The following TAF8 variants were observed in gnomAD, a reference collection of about 807,000 sequenced individuals.
The protein encoded by TAF8 is TATA-box binding protein associated factor 8, also known as transcription initiation factor TFIID subunit 8.
In TAF8, 47 loss-of-function variants were observed where a neutral mutation model predicts 36.5. That is an observed-to-expected ratio of 1.29 (90% CI 1.02 to 1.64). The LOEUF (loss-of-function observed/expected upper bound fraction) is 1.64. Among genes scored for constraint, TAF8 ranks in the 40% most tolerant of loss-of-function variants. TAF8 has a pLI of 0.00. For synonymous variants in TAF8, 175 were observed against 159.5 expected, an observed-to-expected ratio of 1.10 and a Z score of -0.73; for missense variants, 420 against 407.6, an observed-to-expected ratio of 1.03 and a Z score of -0.26.
downstream of TAF8, chr6:42,087,304 A>T (rs547826785): frequency 2.6e-5 from 4 of 154,500 alleles, no homozygotes; most frequent in African/African-American, 9.6e-5. Flanking sequence ...ATTTTACATG[A>T]TTTTAAAATA....
At chr6:42,068,913 A>T (rs536261825) in intron 7 of TAF8, among the ~76,000 whole-genome samples, 7 of 152,250 alleles carry the variant, frequency 4.6e-5, no homozygotes, top group Non-Finnish European at 8.8e-5. Context: ...AAATGAGGAG[A>T]TAGGAAGTGG....
At position 42,077,109 on chromosome 6, in the gene TAF8, G is replaced by C. The variant is rs189994370; in HGVS notation, c.790G>C (p.Gly264Arg). ...LALHISMEDS[G>R]AEKENTSVLQ... ...TGGCTTTTGCTCAAAGGAGGATTCT[G>C]GAGCCGAGAAGGAGAACACCTCTGT... is the stretch of plus-strand genomic sequence containing the variant. The change falls in exon 8 of 9, where the codon GGA (glycine) becomes CGA (arginine). Residue 264 changes from glycine (G) to arginine (R), a missense_variant. Transcript: ENST00000372977. 8,615 of 1,612,434 alleles carry C rather than the reference G, an allele frequency of 5.3e-3. 25 individuals are homozygous for C. The highest frequency in any genetic ancestry group is 6.4e-3 in the Non-Finnish European group (7,504 of 1,179,024).
In TAF8 at chr6:42,078,327, T is replaced by G. The variant is rs1253986365; in HGVS notation, c.*782T>G. ...CAGGAAGGAAAGGGCTCTTTGCTGC[T>G]GTGCTTATTACAAGGAAGACTGTTT... On this transcript the variant is annotated 3_prime_UTR_variant, in exon 9 of 9. Transcript: ENST00000372977. 8.1e-6 allele frequency: 8 copies of G among 985,216 alleles called. No homozygotes were observed. Among genetic ancestry groups the G allele is most frequent in the Non-Finnish European group, 8.4e-6 (7 of 829,802 alleles). 61.0% of individuals were successfully genotyped at this position (985,216 alleles called of 1,614,324 possible).
Position 42,051,693 on chromosome 6 carries a change from G to A in TAF8, c.202+180G>A, listed in dbSNP as rs114560297. 0.021 allele frequency: 11,534 copies of A among 559,510 alleles called. 148 individuals are homozygous for A. The highest frequency in any genetic ancestry group is 0.027 in the Non-Finnish European group (9,162 of 337,700). 34.7% of individuals were successfully genotyped at this position (559,510 alleles called of 1,614,324 possible). ...ACAGCACAATGGGCCGAGCGTGGTGGCTCACGCCTGTAATCCCAGTACTTT... is the reference window on the plus strand; with the variant it reads ...ACAGCACAATGGGCCGAGCGTGGTGACTCACGCCTGTAATCCCAGTACTTT... On this transcript the variant is annotated intron_variant, in intron 2 of 8. Transcript: ENST00000372977.
At chr6:42,084,051 G>A (rs1479883642), downstream of TAF8, among the ~76,000 whole-genome samples, 1 of 151,894 alleles carries the variant, frequency 6.6e-6, no homozygotes, top group African/African-American at 2.4e-5. Flanking sequence ...CATGGTGGCG[G>A]GTGCCTGTAG....
In TAF8 at chr6:42,055,935, G is replaced by C; in HGVS notation, c.302-17G>C. 6.3e-7 allele frequency: 1 copy of C among 1,594,108 alleles called. No individual in the cohort carries two copies. Among genetic ancestry groups the C allele is most frequent in the South Asian group, 1.1e-5 (1 of 90,604 alleles). ...TCCAGTGGTCTGGGCAGTGATTTTT[G>C]TTTTCCTGTCTCTTAGGTTTCAATG... On this transcript the variant is annotated splice_polypyrimidine_tract_variant and intron_variant, in intron 3 of 8. Coordinates refer to ENST00000372977, the MANE Select transcript of TAF8 (RefSeq NM_138572.3).
At position 42,052,662 on chromosome 6, in the gene TAF8, G is replaced by T. The variant is rs969023661; in HGVS notation, c.202+1149G>T. 1.7e-4 allele frequency among the ~76,000 whole-genome samples: 26 copies of T among 152,256 alleles called. 1 individual carries two copies. The highest frequency in any genetic ancestry group is 4.8e-4 in the African/African-American group (20 of 41,552). ...AAAGGAAATGTGTTGAGATTTAGAA[G>T]CCCGGGTGTGGTCTTACAGAGGCTT... On this transcript the variant is annotated intron_variant, in intron 2 of 8. Coordinates refer to ENST00000372977, the MANE Select transcript of TAF8 (RefSeq NM_138572.3).
At chr6:42,074,392 A>G (rs1459655738) in intron 7 of TAF8, among the ~76,000 whole-genome samples, 2 of 152,166 alleles carry the variant, frequency 1.3e-5, no homozygotes, top group Non-Finnish European at 2.9e-5. Flanking sequence ...GTTGGCGTAG[A>G]GATGGCACTG....
intron 2 of TAF8, 42 bp from the exon 3 acceptor site, chr6:42,055,489 G>A (rs1283339595): frequency 7.4e-7 from 1 of 1,348,974 alleles, no homozygotes; most frequent in East Asian, 2.3e-5. Context: ...TTAACTTTCT[G>A]AGGAACTGAG....
At chr6:42,066,240 C>T in intron 5 of TAF8, 72 bp from the exon 6 acceptor site, 8 of 1,581,476 alleles carry the variant, frequency 5.1e-6, no homozygotes, top group Non-Finnish European at 6.9e-6. Flanking sequence ...ATAGCAACAG[C>T]AAGCCAGGGA....
intron 1 of TAF8, 63 bp downstream of exon 1, chr6:42,050,649 G>A: frequency 6.7e-7 from 1 of 1,495,720 alleles, no homozygotes; most frequent in Non-Finnish European, 9.0e-7. Context: ...CTTTCCCCTC[G>A]ACTGAGCAAC....
At chr6:42,076,745 TTTC>T (rs1446376975) in intron 7 of TAF8, among the ~76,000 whole-genome samples, 2 of 152,096 alleles carry the variant, frequency 1.3e-5, no homozygotes, top group Non-Finnish European at 2.9e-5. Flanking sequence ...CAGGATCACT[TTTC>T]TTCTTCATCT....
At position 42,079,262 on chromosome 6, in the gene TAF8, G is replaced by A; in HGVS notation, c.*1717G>A. The stretch of plus-strand genomic sequence containing the variant: ...CTGGAAGGCTGGTGGATGGGCAGGA[G>A]TGAGCCAAGCTGAGGCGTTCTGCAA... On this transcript the variant is annotated 3_prime_UTR_variant, in exon 9 of 9. Transcript: ENST00000372977. The A allele has an allele frequency of 6.1e-6, 6 of 985,650 alleles. No homozygotes were observed. The highest frequency in any genetic ancestry group is 7.2e-6 in the Non-Finnish European group (6 of 830,026). The allele number at this position is 985,650 out of a possible 1,614,324, so 61.1% of individuals were successfully genotyped here.
At chr6:42,063,303 C>T (rs953975054) in intron 5 of TAF8, 1 of 152,026 alleles carries the variant, frequency 6.6e-6, no homozygotes, top group Non-Finnish European at 1.5e-5. Flanking sequence ...GCTGGGACTA[C>T]AGGGGTGCAC....
At chr6:42,065,642 T>C (rs560059179) in intron 5 of TAF8, among the ~76,000 whole-genome samples, 1 of 152,344 alleles carries the variant, frequency 6.6e-6, no homozygotes, top group East Asian at 1.9e-4. Context: ...ATTGCGCTGA[T>C]GGAACCTGTG....
At chr6:42,060,957 A>G (rs1046315206) in intron 5 of TAF8, among the ~76,000 whole-genome samples, 1 of 152,232 alleles carries the variant, frequency 6.6e-6, no homozygotes, top group Non-Finnish European at 1.5e-5. Flanking sequence ...ATAGTTCTAA[A>G]GAAATAATTT....
chr6:42,062,023 C>T (rs1451945805), intron 5 of TAF8, among the ~76,000 whole-genome samples: 1 of 152,110 alleles, frequency 6.6e-6, no homozygotes, highest in African/African-American at 2.4e-5. Context: ...AGCATGAGGC[C>T]AACTGAATCT....
At position 42,082,710 on chromosome 6, in the gene TAF8, G is replaced by A. The variant is rs1765958608; in HGVS notation, c.*5165G>A. ...TCTTGAGGTCCATCTAGGTGGTTGT[G>A]TGTATCAGTAGTTCCTTTCTTTTTA... On this transcript the variant is annotated 3_prime_UTR_variant, in exon 9 of 9. Transcript: ENST00000372977. 1 of 152,170 alleles carries A rather than the reference G, an allele frequency of 6.6e-6. No individual in the cohort carries two copies. Among genetic ancestry groups the A allele is most frequent in the African/African-American group, 2.4e-5 (1 of 41,432 alleles). 9.4% of individuals were successfully genotyped at this position (152,170 alleles called of 1,614,324 possible).
At chr6:42,066,663 G>A (rs548967677) in intron 6 of TAF8, among the ~76,000 whole-genome samples, 17 of 152,250 alleles carry the variant, frequency 1.1e-4, no homozygotes, top group African/African-American at 3.1e-4. Context: ...GTCTCTGTTG[G>A]GACTGGCTGC....
Sources: allele counts gnomAD v4.1 joint callset (sites outside exome capture counted in the v4.1 genomes callset), GRCh38; gene constraint gnomAD v4.1.1; transcripts MANE v1.5; gene names NCBI Gene and HGNC (gene_info 2026-07-23, HGNC 2026-07-21).